Variants in METTL15 observed in about 807,000 individuals in gnomAD.
METTL15 encodes 12S rRNA N(4)-cytidine methyltransferase METTL15.
METTL15 carries 34 observed loss-of-function variants against 38.3 expected under a neutral mutation model. The observed-to-expected ratio is 0.89, with a 90% CI of 0.68 to 1.18. The LOEUF (loss-of-function observed/expected upper bound fraction) is 1.18. Among genes scored for constraint, METTL15 ranks in the 50% most tolerant of loss-of-function variants. The pLI is 0.00. For missense variants in METTL15, 438 were observed against 498.4 expected (o/e 0.88, Z 1.15); for synonymous variants, 162 against 170.9 (o/e 0.95, Z 0.41).
At chr11:28,207,044 T>C (rs1565165634) in intron 3 of METTL15, among the ~76,000 whole-genome samples, 1 of 138,348 alleles carries the variant, frequency 7.2e-6, no homozygotes, top group Non-Finnish European at 1.5e-5. Context: ...TACAATCATG[T>C]CATCTGCAAA....
chr11:28,379,131 G>A (rs1227595746), intron 5 of METTL15, among the ~76,000 whole-genome samples: 1 of 151,306 alleles, frequency 6.6e-6, no homozygotes, highest in Non-Finnish European at 1.5e-5. Context: ...CTAAATGTTT[G>A]TTGATTTTAT....
intron 4 of METTL15, among the ~76,000 whole-genome samples, chr11:28,246,730 C>A (rs543861629): frequency 6.6e-6 from 1 of 152,084 alleles, no homozygotes; most frequent in Non-Finnish European, 1.5e-5. Flanking sequence ...TTCATGCTCA[C>A]ATCTCCTACT....
At chr11:28,144,006 A>G (rs1296372525) in intron 3 of METTL15, among the ~76,000 whole-genome samples, 3 of 152,270 alleles carry the variant, frequency 2.0e-5, no homozygotes, top group Non-Finnish European at 4.4e-5. Context: ...CTGATTGCCT[A>G]TTATGGTCCT....
chr11:28,151,015 A>G (rs1850067348), intron 3 of METTL15, among the ~76,000 whole-genome samples: 1 of 151,128 alleles, frequency 6.6e-6, no homozygotes, highest in African/African-American at 2.4e-5. Context: ...CCAAAAAAAA[A>G]AAAAAAAAAA....
downstream of METTL15, among the ~76,000 whole-genome samples, chr11:28,334,082 AAAAG>A (rs1394239057): frequency 1.3e-5 from 2 of 151,946 alleles, no homozygotes; most frequent in East Asian, 3.8e-4. Flanking sequence ...AATGGCTAAA[AAAAG>A]AGAAAAATAT....
In METTL15 at chr11:28,409,981, T is replaced by G. The variant is rs191725485; in HGVS notation, c.*359-14318T>G. On this transcript the variant is annotated intron_variant and NMD_transcript_variant, in intron 5 of 7. Transcript: ENST00000532947. Reference sequence around the variant, plus strand: ...TACAAAGAATCATAAAGGATTATTATGAAAAACTCTATGCAAATGAATTAG... The same window carrying G: ...TACAAAGAATCATAAAGGATTATTAGGAAAAACTCTATGCAAATGAATTAG... 3.2e-4 allele frequency among the ~76,000 whole-genome samples: 48 copies of G among 152,228 alleles called. No individual in the cohort carries two copies. In the East Asian group the frequency reaches 3.5e-3, roughly 11 times the overall value.
At chr11:28,336,177 C>G (rs1163389937), downstream of METTL15, among the ~76,000 whole-genome samples, 6 of 152,106 alleles carry the variant, frequency 3.9e-5, no homozygotes, top group Admixed American at 3.9e-4. Context: ...TAAACACTCC[C>G]AGTATTTGCT....
intron 3 of METTL15, among the ~76,000 whole-genome samples, chr11:28,164,630 C>A (rs1452667486): frequency 6.6e-6 from 1 of 151,992 alleles, no homozygotes; most frequent in South Asian, 2.1e-4. Flanking sequence ...ATGATTAAAT[C>A]AAGCCAATTA....
intron 6 of METTL15, among the ~76,000 whole-genome samples, chr11:28,502,796 CG>C (rs1373875854): frequency 6.6e-6 from 1 of 151,754 alleles, no homozygotes; most frequent in African/African-American, 2.4e-5. Flanking sequence ...AATTGGGGGA[CG>C]TGAAAAAGAG....
intron 6 of METTL15, among the ~76,000 whole-genome samples, chr11:28,430,922 C>T (rs1463512570): frequency 2.6e-4 from 28 of 108,048 alleles, no homozygotes; most frequent in African/African-American, 6.3e-4. Context: ...GCCCCCCGCC[C>T]GGCCAGCCGC....
intron 3 of METTL15, among the ~76,000 whole-genome samples, chr11:28,338,638 A>G (rs995785784): frequency 6.6e-6 from 1 of 152,160 alleles, no homozygotes; most frequent in Admixed American, 6.6e-5. Context: ...ATGATCATCC[A>G]CAGAGTGGAT....
intron 5 of METTL15, among the ~76,000 whole-genome samples, chr11:28,388,754 A>G (rs556158431): frequency 2.0e-5 from 3 of 152,260 alleles, no homozygotes; most frequent in East Asian, 3.9e-4. Context: ...ATATGTATAC[A>G]TATGCCATGT....
At chr11:28,173,057 C>T (rs528391136) in intron 3 of METTL15, among the ~76,000 whole-genome samples, 45 of 152,116 alleles carry the variant, frequency 3.0e-4, no homozygotes, top group Non-Finnish European at 5.1e-4. Flanking sequence ...AAGTCTCTAG[C>T]ATATTTTAAC....
chr11:28,167,785 A>G (rs1209749892), intron 3 of METTL15, among the ~76,000 whole-genome samples: 4 of 151,882 alleles, frequency 2.6e-5, no homozygotes, highest in Non-Finnish European at 5.9e-5. Flanking sequence ...ACAAAATCCT[A>G]TAATCTTTCT....
chr11:28,510,355 G>A (rs1851664380), intron 6 of METTL15, among the ~76,000 whole-genome samples: 1 of 152,110 alleles, frequency 6.6e-6, no homozygotes, highest in Non-Finnish European at 1.5e-5. Context: ...TTCCTTTGAT[G>A]TAAAAGAGGA....
chr11:28,147,076 A>G (rs1026544029), intron 3 of METTL15, among the ~76,000 whole-genome samples: 1 of 151,940 alleles, frequency 6.6e-6, no homozygotes, highest in African/African-American at 2.4e-5. Flanking sequence ...AAAATGCTAG[A>G]AAGGATTACT....
chr11:28,490,893 A>G lies in METTL15; in HGVS notation c.*425-35585A>G, dbSNP rs780943186. Among the ~76,000 whole-genome samples, 3 of 152,292 alleles carry G rather than the reference A, an allele frequency of 2.0e-5. No individual in the cohort carries two copies. The South Asian group carries it at 6.2e-4, about 32-fold the overall frequency. ...ATTATTTGGGGCATTGTATAAAGAT[A>G]GAGACACTCCAAGGATTGGAAACTG... is the stretch of plus-strand genomic sequence containing the variant. On this transcript the variant is annotated intron_variant and NMD_transcript_variant, in intron 6 of 7. Coordinates refer to the METTL15 transcript ENST00000532947.
chr11:28,197,836 T>G (rs910356964), intron 3 of METTL15, among the ~76,000 whole-genome samples: 1 of 152,078 alleles, frequency 6.6e-6, no homozygotes, highest in African/African-American at 2.4e-5. Flanking sequence ...AATCTTACCA[T>G]CATTTATTTT....
chr11:28,292,844 G>A (rs1050857238), intron 5 of METTL15, among the ~76,000 whole-genome samples: 26 of 152,288 alleles, frequency 1.7e-4, no homozygotes, highest in African/African-American at 6.0e-4. Context: ...TCTTTTGGCT[G>A]CATAACTGTC....
Sources: allele counts gnomAD v4.1 joint callset (sites outside exome capture counted in the v4.1 genomes callset), GRCh38; gene constraint gnomAD v4.1.1; transcripts MANE v1.5; gene names NCBI Gene and HGNC (gene_info 2026-07-23, HGNC 2026-07-21).